ATP2B1: variants seen among roughly 807,000 people sequenced by gnomAD.
The protein encoded by ATP2B1 is plasma membrane calcium-transporting ATPase 1.
ATP2B1 carries 14 observed loss-of-function variants against 124.2 expected under a neutral mutation model. The ratio of observed to expected loss-of-function variants is 0.11; its 90% CI spans 0.07 to 0.18. ATP2B1 has a LOEUF of 0.18. ATP2B1 is among the 10% of genes least tolerant of loss of function. ATP2B1 has a pLI of 1.00. For missense variants in ATP2B1, 763 were observed against 1,466.1 expected, an observed-to-expected ratio of 0.52 and a Z score of 7.83; for synonymous variants, 449 against 492.4, an observed-to-expected ratio of 0.91 and a Z score of 1.17.
In ATP2B1 at chr12:89,603,364, A is replaced by AG; in HGVS notation, c.2849-111_2849-110insC. The AG allele has an allele frequency of 1.1e-6, 1 of 932,294 alleles. No individual in the cohort carries two copies. Among genetic ancestry groups the AG allele is most frequent in the Non-Finnish European group, 1.6e-6 (1 of 639,692 alleles). 57.8% of individuals were successfully genotyped at this position (932,294 alleles called of 1,614,324 possible). A position where few individuals can be genotyped will look rare whatever the true frequency, so the allele number is the denominator to read the frequency against. ...CTTTTATTTGATCTGAAATGGCAGC[A>AG]TGGAAGGAGCTAGAGAAACCTGGGA... On this transcript the variant is annotated intron_variant, in intron 17 of 20. Coordinates refer to ENST00000428670, the MANE Select transcript of ATP2B1 (RefSeq NM_001366521.1). This position sits in a 1 kb window ranked among gnomAD's most constrained non-coding sequence, Gnocchi z 4.3.
At position 89,588,279 on chromosome 12, in the gene ATP2B1, G is replaced by A. The variant is rs1360518820; in HGVS notation, c.*2705C>T. The A allele has an allele frequency of 6.6e-6, 1 of 152,370 alleles. No homozygotes were observed. The highest frequency in any genetic ancestry group is 1.5e-5 in the Non-Finnish European group (1 of 67,982). 9.4% of individuals were successfully genotyped at this position (152,370 alleles called of 1,614,324 possible). ...CTTATAAACAAATCACCAATTCTTG[G>A]TTCAAAACTGACATCTGTTATGAAA... On this transcript the variant is annotated 3_prime_UTR_variant, in exon 21 of 21. Coordinates refer to ENST00000428670, the MANE Select transcript of ATP2B1 (RefSeq NM_001366521.1).
At position 89,618,471 on chromosome 12, in the gene ATP2B1, A is replaced by G. The variant is rs74868719; in HGVS notation, c.1830-1432T>C. ...AGTCAATGCCTGATCAGTTTTGACTAAAAAAAATTCTCTCCTAAACCATCT... is the reference window on the plus strand; with the variant it reads ...AGTCAATGCCTGATCAGTTTTGACTGAAAAAAATTCTCTCCTAAACCATCT... On this transcript the variant is annotated intron_variant, in intron 11 of 20. Coordinates refer to ENST00000428670, the MANE Select transcript of ATP2B1 (RefSeq NM_001366521.1). Among the ~76,000 whole-genome samples the G allele has an allele frequency of 3.3e-4, 50 of 152,190 alleles. No individual in the cohort carries two copies. In the East Asian group the frequency reaches 9.3e-3, roughly 28 times the overall value.
chr12:89,707,128 T>C (rs1892553850), intron 1 of ATP2B1, among the ~76,000 whole-genome samples: 1 of 152,026 alleles, frequency 6.6e-6, no homozygotes, highest in African/African-American at 2.4e-5. Flanking sequence ...AAAAAGCAGA[T>C]TCTCCTCCAA....
chr12:89,622,109 A>T (rs920116058), intron 9 of ATP2B1, among the ~76,000 whole-genome samples: 1 of 152,026 alleles, frequency 6.6e-6, no homozygotes, highest in Non-Finnish European at 1.5e-5. Flanking sequence ...GTTTTTGCAA[A>T]ATGTCCTCAC....
chr12:89,696,417 A>G (rs1232813523), intron 1 of ATP2B1, among the ~76,000 whole-genome samples: 1 of 152,244 alleles, frequency 6.6e-6, no homozygotes, highest in African/African-American at 2.4e-5. Flanking sequence ...AAGAATTAAA[A>G]TCAAAACATC....
chr12:89,625,874 A>G (rs1880797163), intron 8 of ATP2B1, among the ~76,000 whole-genome samples: 1 of 152,164 alleles, frequency 6.6e-6, no homozygotes, highest in Admixed American at 6.5e-5. Flanking sequence ...CAATTTTAAT[A>G]ATATATGCTT....
intron 8 of ATP2B1, 74 bp from the exon 9 acceptor site, chr12:89,624,471 A>C: frequency 8.2e-7 from 1 of 1,214,064 alleles, no homozygotes; most frequent in Non-Finnish European, 1.2e-6. Flanking sequence ...ATATAAATTA[A>C]ACACTGTAAA....
rs1367455417 is a variant in ATP2B1, at chr12:89,624,406, A to G, written c.1130-9T>C. 6.3e-7 allele frequency: 1 copy of G among 1,597,424 alleles called. No individual in the cohort carries two copies. The highest frequency in any genetic ancestry group is 1.7e-5 in the Admixed American group (1 of 58,308). ...GGCAGACATCAACAGACCTTTCAGA[A>G]TAGAAATGAAAGAAAAATGTGATTA... On this transcript the variant is annotated splice_polypyrimidine_tract_variant and intron_variant, in intron 8 of 20. Transcript: ENST00000428670.
intron 10 of ATP2B1, among the ~76,000 whole-genome samples, chr12:89,620,508 T>C (rs747544350): frequency 6.6e-5 from 10 of 152,140 alleles, no homozygotes; most frequent in South Asian, 4.1e-4. Flanking sequence ...ATCTGTAAAA[T>C]AGGAGCACTT....
At position 89,655,722 on chromosome 12, in the gene ATP2B1, A is replaced by G. The variant is rs2136358702; in HGVS notation, c.165T>C (p.Asp55=). ...TCAATTTGGTGCAAATTCCATAGAC[A>G]TCTCCATAGCTTTCCTGTATTTTTC... ...ALRKIQESYG[D]VYGICTKLKT... Residue 55 remains aspartate (D), a synonymous_variant, in exon 2 of 21, where the codon GAT becomes GAC. Transcript: ENST00000428670. 6.2e-7 allele frequency: 1 copy of G among 1,614,114 alleles called. No individual in the cohort carries two copies. The highest frequency in any genetic ancestry group is 8.5e-7 in the Non-Finnish European group (1 of 1,179,990).
intron 6 of ATP2B1, 52 bp downstream of exon 6, chr12:89,630,453 A>G: frequency 2.9e-6 from 4 of 1,376,972 alleles, no homozygotes; most frequent in Non-Finnish European, 3.8e-6. Context: ...TAGTTCTTAC[A>G]AATTATTTGC....
intron 3 of ATP2B1, 61 bp from the exon 4 acceptor site, chr12:89,635,312 T>G (rs1448229248): frequency 6.6e-7 from 1 of 1,518,990 alleles, no homozygotes; most frequent in Non-Finnish European, 8.9e-7. Flanking sequence ...AACATACATA[T>G]AGTACGTCTA....
chr12:89,628,435 G>C (rs189830219), intron 6 of ATP2B1, among the ~76,000 whole-genome samples: 1 of 126,246 alleles, frequency 7.9e-6, no homozygotes, highest in African/African-American at 3.0e-5. Context: ...AAAAAAAAAA[G>C]ACAACTGGCA....
At chr12:89,616,778 G>A in intron 12 of ATP2B1, 24 bp downstream of exon 12, 2 of 1,590,960 alleles carry the variant, frequency 1.3e-6, no homozygotes, top group Non-Finnish European at 1.7e-6. Flanking sequence ...TTCTGCACAT[G>A]CAGAACACAG....
intron 20 of ATP2B1, chr12:89,598,719 T>C (rs778096901): frequency 6.2e-7 from 1 of 1,614,042 alleles, no homozygotes; most frequent in East Asian, 2.2e-5. Context: ...GAACTTCCAC[T>C]CTGGAAAGCA....
At chr12:89,681,039 G>C (rs567081981) in intron 1 of ATP2B1, among the ~76,000 whole-genome samples, 2 of 152,274 alleles carry the variant, frequency 1.3e-5, no homozygotes, top group Non-Finnish European at 2.9e-5. Context: ...ATTTATTAGA[G>C]AGTGAAATTC....
rs1487924219 is a variant in ATP2B1, at chr12:89,603,336, G to A, written c.2849-82C>T. On this transcript the variant is annotated intron_variant, in intron 17 of 20. Transcript: ENST00000428670. This position sits in a 1 kb window ranked among gnomAD's most constrained non-coding sequence, Gnocchi z 4.3. ...AGGTATACAAATTACAACTTAGCTAGACCTTTTATTTGATCTGAAATGGCA... is the reference window on the plus strand; with the variant it reads ...AGGTATACAAATTACAACTTAGCTAAACCTTTTATTTGATCTGAAATGGCA... 1.7e-6 allele frequency: 2 copies of A among 1,159,184 alleles called. No individual in the cohort carries two copies. Among genetic ancestry groups the A allele is most frequent in the Admixed American group, 2.6e-5 (1 of 38,170 alleles). The allele number at this position is 1,159,184 out of a possible 1,614,324, so 71.8% of individuals were successfully genotyped here.
At chr12:89,602,899 T>C (rs1876149359) in intron 18 of ATP2B1, 144 bp downstream of exon 18, 7 of 682,314 alleles carry the variant, frequency 1.0e-5, no homozygotes, top group Non-Finnish European at 1.7e-5. Context: ...CTTTAACATA[T>C]ACCTTAAATC....
At chr12:89,640,985 C>T (rs1883412611) in intron 3 of ATP2B1, among the ~76,000 whole-genome samples, 1 of 152,298 alleles carries the variant, frequency 6.6e-6, no homozygotes, top group African/African-American at 2.4e-5. Flanking sequence ...AACAGACTAA[C>T]ATAATTACCT....
Sources: gnomAD v4.1 joint callset for allele counts (sites outside exome capture counted in the v4.1 genomes callset) on GRCh38, gnomAD v4.1.1 for gene constraint, Gnocchi (gnomAD v3.1) non-coding constraint, MANE v1.5 for transcripts, NCBI Gene and HGNC (gene_info 2026-07-23, HGNC 2026-07-21) for gene names.